SUPT3H: variants seen among roughly 807,000 people sequenced by gnomAD.
SUPT3H encodes SPT3 homolog, SAGA and STAGA complex component, also known as transcription initiation protein SPT3 homolog.
Under a neutral mutation model 44.3 loss-of-function variants are expected in SUPT3H, and 44 were observed. That is an observed-to-expected ratio of 0.99 (90% CI 0.78 to 1.28). SUPT3H has a LOEUF of 1.28. Ranked by LOEUF, SUPT3H falls within the 50% of genes most tolerant of loss-of-function variation. The pLI, the probability that SUPT3H is intolerant of heterozygous loss-of-function variation, is 0.00. For missense variants in SUPT3H, 380 were observed against 387.1 expected, an observed-to-expected ratio of 0.98 and a Z score of 0.15; for synonymous variants, 124 against 125.6, an observed-to-expected ratio of 0.99 and a Z score of 0.09.
intron 2 of SUPT3H, among the ~76,000 whole-genome samples, chr6:45,219,925 G>C (rs1244160220): frequency 2.0e-5 from 3 of 150,504 alleles, no homozygotes; most frequent in Non-Finnish European, 4.4e-5. Flanking sequence ...CGTAGTCCCA[G>C]CTATTTGGGA....
intron 3 of SUPT3H, among the ~76,000 whole-genome samples, chr6:45,076,174 G>T (rs1166230071): frequency 6.6e-6 from 1 of 152,098 alleles, no homozygotes. Context: ...ACACAGTGAT[G>T]TCAATTGCGT....
At chr6:44,948,919 T>C (rs1236987449) in intron 9 of SUPT3H, among the ~76,000 whole-genome samples, 1 of 152,154 alleles carries the variant, frequency 6.6e-6, no homozygotes, top group Admixed American at 6.6e-5. Context: ...ATAAATTATG[T>C]TGCTATAAAG....
At chr6:45,262,995 T>C (rs1048671033) in intron 2 of SUPT3H, among the ~76,000 whole-genome samples, 1 of 152,078 alleles carries the variant, frequency 6.6e-6, no homozygotes, top group African/African-American at 2.4e-5. Flanking sequence ...ATAATAGATG[T>C]AGGTGAGGTT....
At chr6:44,995,587 T>A (rs1278358833) in intron 6 of SUPT3H, among the ~76,000 whole-genome samples, 1 of 152,056 alleles carries the variant, frequency 6.6e-6, no homozygotes, top group Non-Finnish European at 1.5e-5. Flanking sequence ...CAATGGTACA[T>A]CTTTTTGCAC....
intron 3 of SUPT3H, among the ~76,000 whole-genome samples, chr6:45,090,416 T>C (rs1432073447): frequency 2.6e-5 from 4 of 152,116 alleles, no homozygotes; most frequent in Admixed American, 6.5e-5. Flanking sequence ...AGAGAACAAA[T>C]AAATTAGATA....
intron 1 of SUPT3H, among the ~76,000 whole-genome samples, chr6:45,372,706 T>C (rs1796251113): frequency 6.6e-6 from 1 of 152,178 alleles, no homozygotes; most frequent in Non-Finnish European, 1.5e-5. Flanking sequence ...TTGCTCAGGA[T>C]GGAGTACAGT....
chr6:45,285,540 C>T lies in SUPT3H; in HGVS notation c.101+79661G>A, dbSNP rs372855919. Among the ~76,000 whole-genome samples the T allele has an allele frequency of 2.3e-3, 347 of 151,796 alleles. 1 individual carries two copies. The highest frequency in any genetic ancestry group is 0.017 in the East Asian group (85 of 5,138). On this transcript the variant is annotated intron_variant, in intron 2 of 10. Transcript: ENST00000371459. ...ACCTAGGAATCCAACTTACAAGGGACGTGAAGGACCTCTTCAAGGAGAACT... is the reference window on the plus strand; with the variant it reads ...ACCTAGGAATCCAACTTACAAGGGATGTGAAGGACCTCTTCAAGGAGAACT...
chr6:44,959,312 A>C (rs1031468477), intron 7 of SUPT3H, among the ~76,000 whole-genome samples: 1 of 152,182 alleles, frequency 6.6e-6, no homozygotes, highest in African/African-American at 2.4e-5. Flanking sequence ...AATGAAGAAA[A>C]CCCAATCAAT....
intron 3 of SUPT3H, among the ~76,000 whole-genome samples, chr6:45,083,396 T>C (rs1195847258): frequency 6.6e-6 from 1 of 151,848 alleles, no homozygotes; most frequent in Non-Finnish European, 1.5e-5. Context: ...TTCACCATGT[T>C]GGCCAGGCTG....
chr6:45,043,375 G>A (rs1583222039), intron 3 of SUPT3H, among the ~76,000 whole-genome samples: 2 of 152,250 alleles, frequency 1.3e-5, no homozygotes, highest in South Asian at 4.1e-4. Flanking sequence ...TTACATGGGT[G>A]AGTTGTGTGT....
intron 2 of SUPT3H, among the ~76,000 whole-genome samples, chr6:45,153,312 A>T (rs1807249619): frequency 6.6e-6 from 1 of 152,218 alleles, no homozygotes; most frequent in African/African-American, 2.4e-5. Context: ...GGCCAGAACA[A>T]TGCCTTAGGC....
chr6:45,046,775 G>A (rs1290992796), intron 3 of SUPT3H, among the ~76,000 whole-genome samples: 1 of 152,184 alleles, frequency 6.6e-6, no homozygotes, highest in African/African-American at 2.4e-5. Flanking sequence ...CAGCCTGCTG[G>A]CCTTTTAATA....
intron 2 of SUPT3H, among the ~76,000 whole-genome samples, chr6:45,143,020 A>G (rs1302650432): frequency 6.6e-6 from 1 of 152,102 alleles, no homozygotes; most frequent in Non-Finnish European, 1.5e-5. Flanking sequence ...ACAATTCTAA[A>G]TATATATGGA....
intron 3 of SUPT3H, among the ~76,000 whole-genome samples, chr6:45,081,291 G>A (rs1249430582): frequency 6.6e-6 from 1 of 151,904 alleles, no homozygotes; most frequent in Non-Finnish European, 1.5e-5. Context: ...TGTTTCTGGA[G>A]TACATTCCAA....
chr6:45,189,142 A>G (rs1814740114), intron 2 of SUPT3H, among the ~76,000 whole-genome samples: 1 of 152,188 alleles, frequency 6.6e-6, no homozygotes, highest in African/African-American at 2.4e-5. Context: ...AAAATAAAAT[A>G]AAATGTGAGA....
At chr6:45,112,042 G>A (rs977551666) in intron 2 of SUPT3H, among the ~76,000 whole-genome samples, 12 of 152,170 alleles carry the variant, frequency 7.9e-5, no homozygotes, top group African/African-American at 2.9e-4. Flanking sequence ...GTACTGCAAT[G>A]AGCAGGTAAC....
intron 2 of SUPT3H, among the ~76,000 whole-genome samples, chr6:45,339,073 T>C (rs1581702337): frequency 6.6e-6 from 1 of 152,328 alleles, no homozygotes; most frequent in East Asian, 1.9e-4. Flanking sequence ...GAAGACATAC[T>C]TGCCATAAAT....
chr6:44,867,106 T>C (rs1485549221), intron 10 of SUPT3H, among the ~76,000 whole-genome samples: 1 of 152,056 alleles, frequency 6.6e-6, no homozygotes, highest in East Asian at 1.9e-4. Context: ...CACGAATAAT[T>C]AAATCTTTAA....
At chr6:45,013,527 G>C (rs1263999463) in intron 5 of SUPT3H, among the ~76,000 whole-genome samples, 1 of 152,056 alleles carries the variant, frequency 6.6e-6, no homozygotes, top group East Asian at 1.9e-4. Flanking sequence ...GATCTGGAAA[G>C]GGAAGCAACC....
Sources: allele counts gnomAD v4.1 joint callset (sites outside exome capture counted in the v4.1 genomes callset), GRCh38; gene constraint gnomAD v4.1.1; transcripts MANE v1.5; gene names NCBI Gene and HGNC (gene_info 2026-07-23, HGNC 2026-07-21).